Variants in CYP4X1 observed in about 807,000 individuals in gnomAD.
The protein encoded by CYP4X1 is cytochrome P450 family 4 subfamily X member 1, also known as cytochrome P450 4X1.
CYP4X1 carries 44 observed loss-of-function variants against 57.9 expected under a neutral mutation model. That is an observed-to-expected ratio of 0.76 (90% CI 0.60 to 0.98). The LOEUF is 0.98. Among genes scored for constraint, CYP4X1 ranks in the 50% least tolerant of loss-of-function variants. CYP4X1 has a pLI of 0.00. For missense variants in CYP4X1, 532 were observed against 623.9 expected, an observed-to-expected ratio of 0.85 and a Z score of 1.57; for synonymous variants, 227 against 228.6, an observed-to-expected ratio of 0.99 and a Z score of 0.06.
At chr1:47,048,507 CA>C (rs1331069205) in intron 9 of CYP4X1, 57 bp from the exon 10 acceptor site, 1 of 1,568,914 alleles carries the variant, frequency 6.4e-7, no homozygotes, top group East Asian at 2.2e-5. Context: ...TTTAAGAGCA[CA>C]GTAGCCCACA....
chr1:46,970,397 C>T, the CYP4X1 span, among the ~76,000 whole-genome samples: 2 of 152,268 alleles, frequency 1.3e-5, no homozygotes, highest in South Asian at 4.1e-4. Context: ...AGGTCGTTTT[C>T]TTACAAACAC....
chr1:47,049,319 A>G, intron 10 of CYP4X1, 103 bp from the exon 11 acceptor site: 4 of 829,346 alleles, frequency 4.8e-6, no homozygotes, highest in Non-Finnish European at 6.0e-6. Flanking sequence ...TAAATTACAC[A>G]TGTAGATCAC....
At chr1:46,964,596 T>C in the CYP4X1 span, among the ~76,000 whole-genome samples, 1 of 152,308 alleles carries the variant, frequency 6.6e-6, no homozygotes, top group South Asian at 2.1e-4. Context: ...ATCATTCCTC[T>C]GGAAATTTTG....
the CYP4X1 span, among the ~76,000 whole-genome samples, chr1:46,977,983 G>C: frequency 1.0e-3 from 152 of 152,144 alleles, 1 homozygote; most frequent in Middle Eastern, 3.4e-3. Flanking sequence ...AAGCACTAAA[G>C]ATGGAAAGGA....
intron 4 of CYP4X1, among the ~76,000 whole-genome samples, chr1:47,035,457 G>T (rs1295162060): frequency 6.6e-6 from 1 of 152,206 alleles, no homozygotes; most frequent in Non-Finnish European, 1.5e-5. Flanking sequence ...AGGAAGCCCT[G>T]GGGTAAACCC....
intron 1 of CYP4X1, among the ~76,000 whole-genome samples, chr1:47,026,471 G>A (rs1644066488): frequency 2.0e-5 from 3 of 152,152 alleles, no homozygotes; most frequent in Non-Finnish European, 2.9e-5. Context: ...AAATCAGGAA[G>A]TATGAGTCCC....
At chr1:47,044,903 C>G (rs1354703666) in intron 8 of CYP4X1, among the ~76,000 whole-genome samples, 1 of 151,910 alleles carries the variant, frequency 6.6e-6, no homozygotes, top group Non-Finnish European at 1.5e-5. Flanking sequence ...CAGCTTACCG[C>G]AACCTCTGCC....
At chr1:46,976,575 G>A in the CYP4X1 span, among the ~76,000 whole-genome samples, 1 of 152,140 alleles carries the variant, frequency 6.6e-6, no homozygotes, top group Admixed American at 6.5e-5. Context: ...ATCCCTGTCT[G>A]ACAGCTCTGA....
chr1:46,969,590 C>G, the CYP4X1 span, among the ~76,000 whole-genome samples: 1 of 152,196 alleles, frequency 6.6e-6, no homozygotes, highest in African/African-American at 2.4e-5. Context: ...AAACTTATTT[C>G]TACTATTTAC....
the CYP4X1 span, among the ~76,000 whole-genome samples, chr1:46,988,920 A>C: frequency 6.6e-6 from 1 of 152,324 alleles, no homozygotes; most frequent in African/African-American, 2.4e-5. Context: ...AGAGCTGTTT[A>C]TGACAAATCC....
rs1644310302 is a variant in CYP4X1 at position 47,047,041 on chromosome 1, T to C, written c.1207+441T>C. On this transcript the variant is annotated intron_variant, in intron 9 of 11. Coordinates refer to ENST00000371901, the MANE Select transcript of CYP4X1 (RefSeq NM_178033.2). ...AACATTTAATAGTTAATATAGAGCC[T>C]TCAGACCCATTATCTCATTTTTCCC... 2.0e-5 allele frequency among the ~76,000 whole-genome samples: 3 copies of C among 152,188 alleles called. 1 individual carries two copies. Among genetic ancestry groups the C allele is most frequent in the South Asian group, 4.1e-4 (2 of 4,830 alleles).
the CYP4X1 span, among the ~76,000 whole-genome samples, chr1:46,967,088 T>G: frequency 6.6e-6 from 1 of 152,252 alleles, no homozygotes; most frequent in Non-Finnish European, 1.5e-5. Flanking sequence ...AGAGATTTTG[T>G]GGTTGTAGTT....
chr1:46,977,841 A>G, the CYP4X1 span, among the ~76,000 whole-genome samples: 2 of 152,078 alleles, frequency 1.3e-5, no homozygotes, highest in Admixed American at 1.3e-4. Context: ...AAAAAAAAGA[A>G]TTTTCAACCC....
At chr1:46,988,924 C>A in the CYP4X1 span, among the ~76,000 whole-genome samples, 3 of 152,072 alleles carry the variant, frequency 2.0e-5, no homozygotes, top group Admixed American at 2.0e-4. Flanking sequence ...CTGTTTATGA[C>A]AAATCCACGC....
the CYP4X1 span, among the ~76,000 whole-genome samples, chr1:46,975,010 A>C: frequency 2.0e-5 from 3 of 152,210 alleles, no homozygotes; most frequent in African/African-American, 7.2e-5. Context: ...TAATAAGTAC[A>C]TCATGGAGAA....
the CYP4X1 span, among the ~76,000 whole-genome samples, chr1:46,968,551 G>T: frequency 6.6e-6 from 1 of 152,142 alleles, no homozygotes; most frequent in Non-Finnish European, 1.5e-5. Context: ...TATGGCCAGG[G>T]ACCTGCCTCT....
the CYP4X1 span, among the ~76,000 whole-genome samples, chr1:46,992,871 G>A: frequency 1.3e-5 from 2 of 152,184 alleles, no homozygotes; most frequent in Non-Finnish European, 2.9e-5. Flanking sequence ...CAATTTGTAA[G>A]AGTTCCAATT....
intron 6 of CYP4X1, among the ~76,000 whole-genome samples, chr1:47,036,639 A>G (rs1404392440): frequency 6.6e-6 from 1 of 152,152 alleles, no homozygotes; most frequent in Non-Finnish European, 1.5e-5. Flanking sequence ...CTTTTTAAGC[A>G]ATTCAACATT....
chr1:46,964,402 G>A, the CYP4X1 span, among the ~76,000 whole-genome samples: 8 of 152,256 alleles, frequency 5.3e-5, no homozygotes, highest in East Asian at 7.7e-4. Context: ...TGATGGTGAC[G>A]TACAGGTGGG....
Sources: allele counts gnomAD v4.1 joint callset (sites outside exome capture counted in the v4.1 genomes callset), GRCh38; gene constraint gnomAD v4.1.1; transcripts MANE v1.5; gene names NCBI Gene and HGNC (gene_info 2026-07-23, HGNC 2026-07-21).